MMP16: variants seen among roughly 807,000 people sequenced by gnomAD.
MMP16 encodes matrix metallopeptidase 16.
Under a neutral mutation model 67.8 loss-of-function variants are expected in MMP16, and 12 were observed. That is an observed-to-expected ratio of 0.18 (90% CI 0.11 to 0.29). MMP16 has a LOEUF of 0.29. Ranked by LOEUF, MMP16 falls within the 10% of genes least tolerant of loss-of-function variation. The probability of loss-of-function intolerance (pLI) is 1.00; values close to 1 mark genes in which losing one functional copy is unlikely to be tolerated. For missense variants in MMP16, 475 were observed against 765.7 expected (o/e 0.62, Z 4.48); for synonymous variants, 249 against 255.9 (o/e 0.97, Z 0.26).
At chr8:88,075,563 CA>C (rs1460763968) in intron 6 of MMP16, among the ~76,000 whole-genome samples, 1 of 151,714 alleles carries the variant, frequency 6.6e-6, no homozygotes, top group East Asian at 1.9e-4. Flanking sequence ...CCTTCAAACC[CA>C]AAAAAGGATA....
intron 4 of MMP16, among the ~76,000 whole-genome samples, chr8:88,128,198 G>T (rs2118463944): frequency 6.6e-6 from 1 of 151,760 alleles, no homozygotes; most frequent in African/African-American, 2.4e-5. Flanking sequence ...CATATGAGAG[G>T]AATAATTAGC....
At chr8:88,097,459 C>T (rs1425916577) in intron 6 of MMP16, among the ~76,000 whole-genome samples, 13 of 151,274 alleles carry the variant, frequency 8.6e-5, no homozygotes. Context: ...AACACTGTCT[C>T]TACAAAAAAT....
chr8:88,095,647 C>T (rs998121875), intron 6 of MMP16, among the ~76,000 whole-genome samples: 6 of 151,826 alleles, frequency 4.0e-5, no homozygotes, highest in Admixed American at 6.6e-5. Flanking sequence ...TTTTTGCTCT[C>T]ATAAATAATA....
intron 1 of MMP16, among the ~76,000 whole-genome samples, chr8:88,234,972 T>C (rs1362678552): frequency 6.6e-6 from 1 of 152,190 alleles, no homozygotes; most frequent in African/African-American, 2.4e-5. Flanking sequence ...CCAACTCCCT[T>C]GAATTCTAGG....
intron 1 of MMP16, among the ~76,000 whole-genome samples, chr8:88,214,194 C>G (rs1295528909): frequency 6.6e-6 from 1 of 152,102 alleles, no homozygotes; most frequent in Non-Finnish European, 1.5e-5. Flanking sequence ...CATTTACATC[C>G]ACGTCTCCAT....
intron 7 of MMP16, chr8:88,069,461 C>T (rs765138166): frequency 3.8e-6 from 2 of 531,512 alleles, no homozygotes; most frequent in South Asian, 1.4e-5. Flanking sequence ...GTTCTAGAAT[C>T]CATTTCCAAT....
chr8:88,111,006 G>GTGCA (rs1407801693), intron 6 of MMP16, among the ~76,000 whole-genome samples: 1 of 151,748 alleles, frequency 6.6e-6, no homozygotes, highest in Non-Finnish European at 1.5e-5. Flanking sequence ...TCAGGACACT[G>GTGCA]TGCAATTCAG....
chr8:88,141,315 T>C (rs1191691196), intron 4 of MMP16, among the ~76,000 whole-genome samples: 7 of 152,062 alleles, frequency 4.6e-5, no homozygotes, highest in Admixed American at 4.6e-4. Context: ...TACAATGGAG[T>C]AATACACACA....
At chr8:88,115,455 A>T (rs1334513133) in intron 6 of MMP16, among the ~76,000 whole-genome samples, 2 of 151,970 alleles carry the variant, frequency 1.3e-5, no homozygotes, top group Non-Finnish European at 2.9e-5. Flanking sequence ...AAACACATTG[A>T]TTTTTTTCCT....
intron 4 of MMP16, among the ~76,000 whole-genome samples, chr8:88,153,577 C>A (rs1417822047): frequency 1.3e-5 from 2 of 151,984 alleles, no homozygotes; most frequent in Non-Finnish European, 2.9e-5. Flanking sequence ...CTACAACTAT[C>A]TGATCTTTGA....
chr8:88,099,237 T>G (rs1327849222), intron 6 of MMP16, among the ~76,000 whole-genome samples: 1 of 151,728 alleles, frequency 6.6e-6, no homozygotes, highest in Non-Finnish European at 1.5e-5. Context: ...CATTTTAAAA[T>G]TTTTACTAAA....
intron 4 of MMP16, among the ~76,000 whole-genome samples, chr8:88,158,712 T>G (rs563687194): frequency 7.2e-5 from 11 of 152,342 alleles, no homozygotes; most frequent in Middle Eastern, 3.4e-3. Context: ...GCCATTGCTT[T>G]TGGTGTTTTA....
chr8:88,096,145 G>C (rs1450906451), intron 6 of MMP16, among the ~76,000 whole-genome samples: 2 of 151,894 alleles, frequency 1.3e-5, no homozygotes, highest in African/African-American at 4.8e-5. Context: ...TTATTTGGCA[G>C]ACAATATGAT....
chr8:88,287,309 C>G (rs1393729736), intron 1 of MMP16, among the ~76,000 whole-genome samples: 1 of 152,158 alleles, frequency 6.6e-6, no homozygotes, highest in Non-Finnish European at 1.5e-5. Context: ...GTATGTTATT[C>G]TGTCTGCCTG....
intron 1 of MMP16, among the ~76,000 whole-genome samples, chr8:88,234,793 C>A (rs1441726553): frequency 6.6e-6 from 1 of 152,184 alleles, no homozygotes; most frequent in African/African-American, 2.4e-5. Flanking sequence ...CTTTCAAAAT[C>A]CCAAAGCATA....
At chr8:88,315,140 A>AT (rs1352180891) in intron 1 of MMP16, among the ~76,000 whole-genome samples, 1 of 152,130 alleles carries the variant, frequency 6.6e-6, no homozygotes, top group Non-Finnish European at 1.5e-5. Flanking sequence ...CGTTTATTGC[A>AT]TTTTACCTTA....
chr8:88,196,598 A>G (rs1429541690), intron 2 of MMP16, among the ~76,000 whole-genome samples: 3 of 152,188 alleles, frequency 2.0e-5, no homozygotes, highest in Non-Finnish European at 2.9e-5. Flanking sequence ...TGATAACAAG[A>G]AATTGAAAGA....
At chr8:88,162,030 A>C (rs919506150) in intron 4 of MMP16, among the ~76,000 whole-genome samples, 10 of 151,406 alleles carry the variant, frequency 6.6e-5, no homozygotes, top group Non-Finnish European at 1.2e-4. Context: ...ATGAATATAC[A>C]TCTCCTTCCT....
At chr8:88,174,910 C>T (rs1228259878) in intron 3 of MMP16, among the ~76,000 whole-genome samples, 11 of 152,054 alleles carry the variant, frequency 7.2e-5, no homozygotes, top group African/African-American at 1.9e-4. Context: ...CGCGCCACCA[C>T]GCCCAGCTAA....
Sources: gnomAD v4.1 joint callset for allele counts (sites outside exome capture counted in the v4.1 genomes callset) on GRCh38, gnomAD v4.1.1 for gene constraint, MANE v1.5 for transcripts, NCBI Gene and HGNC (gene_info 2026-07-23, HGNC 2026-07-21) for gene names.